Variants in DLG2 observed in about 807,000 individuals in gnomAD.
DLG2 encodes disks large homolog 2.
A neutral mutation model predicts 132.5 loss-of-function variants in DLG2; 45 were observed. The observed-to-expected ratio is 0.34, with a 90% confidence interval of 0.27 to 0.44. The LOEUF (loss-of-function observed/expected upper bound fraction) is 0.44. Ranked by LOEUF, DLG2 falls within the 20% of genes least tolerant of loss-of-function variation. The pLI, the probability that DLG2 is intolerant of heterozygous loss-of-function variation, is 1.00. For synonymous variants in DLG2, 424 were observed against 419.6 expected (o/e 1.01, Z -0.13); for missense variants, 1,045 against 1,196.9 (o/e 0.87, Z 1.87).
At chr11:84,472,252 A>C (rs1426523392) in intron 7 of DLG2, among the ~76,000 whole-genome samples, 1 of 151,934 alleles carries the variant, frequency 6.6e-6, no homozygotes, top group Admixed American at 6.6e-5. Flanking sequence ...TATAATATGT[A>C]TTGTGTCTAG....
intron 6 of DLG2, among the ~76,000 whole-genome samples, chr11:84,924,402 T>C (rs944827765): frequency 6.6e-6 from 1 of 152,180 alleles, no homozygotes; most frequent in Non-Finnish European, 1.5e-5. Flanking sequence ...AAGATCAGCA[T>C]AACTCACTAG....
rs1008107588 is a variant in DLG2 at position 83,495,132 on chromosome 11, C to T, written c.2194-10904G>A. Among the ~76,000 whole-genome samples, 12 of 152,050 alleles carry T rather than the reference C, an allele frequency of 7.9e-5. No homozygotes were observed. In the South Asian group the frequency reaches 1.2e-3, roughly 16 times the overall value. ...GGGAAGATCTCTGATGTGCTCAGAA[C>T]GGATTAGATGTTCAGCTCTGTGTCA... On this transcript the variant is annotated intron_variant, in intron 21 of 27. Transcript: ENST00000376104.
intron 3 of DLG2, among the ~76,000 whole-genome samples, chr11:85,555,550 CCA>C (rs1344431585): frequency 6.6e-6 from 1 of 151,828 alleles, no homozygotes; most frequent in Non-Finnish European, 1.5e-5. Context: ...TTTTTCCCAC[CCA>C]CCTCCAAGTA....
chr11:85,418,639 A>G (rs556117718), intron 3 of DLG2, among the ~76,000 whole-genome samples: 5 of 152,166 alleles, frequency 3.3e-5, no homozygotes, highest in South Asian at 4.1e-4. Context: ...TATTAGGTGT[A>G]TATATATTTA....
At chr11:83,926,387 G>A (rs2078985336) in intron 15 of DLG2, among the ~76,000 whole-genome samples, 1 of 152,092 alleles carries the variant, frequency 6.6e-6, no homozygotes, top group Admixed American at 6.6e-5. Flanking sequence ...ATCAATATGG[G>A]CAAGTTTCTG....
At chr11:85,031,947 CT>C (rs11389028) in intron 6 of DLG2, among the ~76,000 whole-genome samples, 877 of 51,776 alleles carry the variant, frequency 0.017, 5 homozygotes, top group Admixed American at 0.029. Flanking sequence ...TGACAACTGG[CT>C]TTTTTTTTTT....
intron 7 of DLG2, among the ~76,000 whole-genome samples, chr11:84,367,458 A>T (rs1345548673): frequency 1.3e-5 from 2 of 152,076 alleles, no homozygotes; most frequent in South Asian, 2.1e-4. Context: ...AAGCAGGATG[A>T]TTGTTTGAAG....
chr11:84,087,020 C>G (rs1039914093), intron 10 of DLG2, among the ~76,000 whole-genome samples: 7 of 152,020 alleles, frequency 4.6e-5, no homozygotes, highest in African/African-American at 1.7e-4. Context: ...TAATAGTATC[C>G]CATTTTTGAA....
At chr11:84,688,747 C>G (rs2057663276) in intron 6 of DLG2, among the ~76,000 whole-genome samples, 1 of 152,146 alleles carries the variant, frequency 6.6e-6, no homozygotes. Flanking sequence ...CAGACAAGAT[C>G]AGCTCAAATA....
At chr11:85,604,695 G>A (rs2080404457) in intron 2 of DLG2, among the ~76,000 whole-genome samples, 1 of 151,972 alleles carries the variant, frequency 6.6e-6, no homozygotes, top group Non-Finnish European at 1.5e-5. Flanking sequence ...GGGGGGGAAG[G>A]GAGAATCACT....
intron 3 of DLG2, among the ~76,000 whole-genome samples, chr11:85,449,600 T>C (rs2092153202): frequency 1.3e-5 from 2 of 152,272 alleles, no homozygotes; most frequent in South Asian, 4.1e-4. Context: ...TTTAGTGATA[T>C]TTTCTGGTAA....
At chr11:85,227,948 T>C (rs1021118682) in intron 4 of DLG2, among the ~76,000 whole-genome samples, 1 of 152,010 alleles carries the variant, frequency 6.6e-6, no homozygotes, top group Non-Finnish European at 1.5e-5. Flanking sequence ...AGGACAATCT[T>C]CCCCCAGGCA....
chr11:83,721,888 G>A (rs2088679538), intron 18 of DLG2, among the ~76,000 whole-genome samples: 1 of 152,232 alleles, frequency 6.6e-6, no homozygotes, highest in African/African-American at 2.4e-5. Context: ...AATTTACATT[G>A]AAGAACTCTT....
intron 3 of DLG2, among the ~76,000 whole-genome samples, chr11:85,354,601 C>A (rs1451943371): frequency 6.6e-6 from 1 of 151,578 alleles, no homozygotes; most frequent in Non-Finnish European, 1.5e-5. Context: ...TGATTTGGAT[C>A]TAATTTATCT....
At chr11:85,546,149 C>A (rs1479781470) in intron 3 of DLG2, among the ~76,000 whole-genome samples, 1 of 152,208 alleles carries the variant, frequency 6.6e-6, no homozygotes, top group Non-Finnish European at 1.5e-5. Flanking sequence ...TTTCCCTCTA[C>A]ACACTGCTTT....
At chr11:85,483,853 A>G (rs1184687379) in intron 3 of DLG2, among the ~76,000 whole-genome samples, 1 of 151,064 alleles carries the variant, frequency 6.6e-6, no homozygotes, top group African/African-American at 2.4e-5. Context: ...CTGAGGCAGG[A>G]GAATCACTTG....
intron 7 of DLG2, among the ~76,000 whole-genome samples, chr11:84,321,793 T>G (rs767257315): frequency 1.3e-5 from 2 of 152,190 alleles, no homozygotes; most frequent in Non-Finnish European, 2.9e-5. Context: ...CATCCAGATC[T>G]CTTTTACTCA....
rs549506825 is a variant in DLG2 at position 84,212,815 on chromosome 11, C to T, written c.573+38423G>A. Among the ~76,000 whole-genome samples the T allele has an allele frequency of 1.1e-4, 17 of 152,252 alleles. No homozygotes were observed. In the South Asian group the frequency reaches 3.3e-3, roughly 30 times the overall value. ...CTGGGACTATAGGTGCATGCCACCA[C>T]GCCTGGCTAACTTTTCGTATTTTTA... On this transcript the variant is annotated intron_variant, in intron 8 of 27. Transcript: ENST00000376104.
intron 7 of DLG2, 98 bp from the exon 8 acceptor site, chr11:84,251,389 T>C: frequency 1.1e-6 from 1 of 897,758 alleles, no homozygotes. Flanking sequence ...AACAGGCATT[T>C]CTTGAGGACC....
Sources: allele counts gnomAD v4.1 joint callset (sites outside exome capture counted in the v4.1 genomes callset), GRCh38; gene constraint gnomAD v4.1.1; transcripts MANE v1.5; gene names NCBI Gene and HGNC (gene_info 2026-07-23, HGNC 2026-07-21).